Variants in PIK3CA observed in about 807,000 individuals in gnomAD.
PIK3CA encodes the protein phosphatidylinositol-4,5-bisphosphate 3-kinase catalytic subunit alpha.
A neutral mutation model predicts 138.2 loss-of-function variants in PIK3CA; 27 were observed. That is an observed-to-expected ratio of 0.20 (90% CI 0.14 to 0.27). PIK3CA has a LOEUF of 0.27. Among genes scored for constraint, PIK3CA ranks in the 10% least tolerant of loss-of-function variants. PIK3CA has a pLI of 1.00. For missense variants in PIK3CA, 544 were observed against 1,277.4 expected (o/e 0.43, Z 8.75); for synonymous variants, 358 against 413.2 (o/e 0.87, Z 1.62).
intron 1 of PIK3CA, among the ~76,000 whole-genome samples, chr3:179,188,317 T>C (rs1310076458): frequency 9.9e-5 from 15 of 152,238 alleles, no homozygotes. Context: ...TCCTTTTCTT[T>C]GGCCAGGAGA....
chr3:179,162,205 A>G lies in PIK3CA; in HGVS notation c.-77+13602A>G, dbSNP rs556154810. On this transcript the variant is annotated intron_variant, in intron 1 of 20. Transcript: ENST00000263967. The stretch of plus-strand genomic sequence containing the variant: ...TATTTAAAAGTGTGAATTTATGTGT[A>G]TATATATATGTATCAAAGAGAATAC... Among the ~76,000 whole-genome samples, 656 of 152,160 alleles carry G rather than the reference A, an allele frequency of 4.3e-3. 6 individuals are homozygous for G. Among genetic ancestry groups the G allele is most frequent in the Admixed American group, 7.8e-3 (120 of 15,288 alleles).
At chr3:179,209,572 T>C in intron 6 of PIK3CA, 23 bp from the exon 7 acceptor site, 2 of 1,432,012 alleles carry the variant, frequency 1.4e-6, no homozygotes, top group Non-Finnish European at 2.0e-6. Flanking sequence ...GATGTATTAT[T>C]TTTGCTTTAA....
chr3:179,152,516 A>T (rs995514927), intron 1 of PIK3CA, among the ~76,000 whole-genome samples: 5 of 152,264 alleles, frequency 3.3e-5, no homozygotes, highest in African/African-American at 1.2e-4. Flanking sequence ...TACTGGCAGG[A>T]TTACTTTGGA....
chr3:179,183,882 A>G (rs1723910266), intron 1 of PIK3CA, among the ~76,000 whole-genome samples: 3 of 152,188 alleles, frequency 2.0e-5, no homozygotes, highest in Admixed American at 2.0e-4. Context: ...ATACTTTGGG[A>G]ACTAAAATAT....
Position 179,234,465 on chromosome 3 carries a change from T to C in PIK3CA, c.*101T>C, listed in dbSNP as rs951271090. 1 of 865,486 alleles carries C rather than the reference T, an allele frequency of 1.2e-6. No homozygotes were observed. Among genetic ancestry groups the C allele is most frequent in the Non-Finnish European group, 1.8e-6 (1 of 569,368 alleles). 53.6% of individuals were successfully genotyped at this position (865,486 alleles called of 1,614,324 possible). ...GATTGCATAGGAATTGCACAATCCA[T>C]GAACAGCATTAGAATTTACAGCAAG... On this transcript the variant is annotated 3_prime_UTR_variant, in exon 21 of 21. Coordinates refer to ENST00000263967, the MANE Select transcript of PIK3CA (RefSeq NM_006218.4). The surrounding 1 kb of genome is among the most constrained non-coding windows in gnomAD (Gnocchi z 5.1).
chr3:179,237,869 A>G lies in PIK3CA; in HGVS notation c.*3505A>G, dbSNP rs1725361212. ...AATATTTAAAGTTCCTCTTTTTTCT[A>G]TGTCTGCACAAACTGCAGACCTGGG... On this transcript the variant is annotated 3_prime_UTR_variant, in exon 21 of 21. Transcript: ENST00000263967. The G allele has an allele frequency of 4.8e-6, 1 of 210,012 alleles. No individual in the cohort carries two copies. The highest frequency in any genetic ancestry group is 9.7e-6 in the Non-Finnish European group (1 of 103,218). 13.0% of individuals were successfully genotyped at this position (210,012 alleles called of 1,614,324 possible).
chr3:179,176,314 A>G (rs1204398175), intron 1 of PIK3CA, among the ~76,000 whole-genome samples: 4 of 152,172 alleles, frequency 2.6e-5, no homozygotes, highest in African/African-American at 7.2e-5. Context: ...GGAACCTCCT[A>G]GTCCTGAACT....
At chr3:179,161,543 A>C (rs1723281634) in intron 1 of PIK3CA, among the ~76,000 whole-genome samples, 1 of 152,094 alleles carries the variant, frequency 6.6e-6, no homozygotes, top group Non-Finnish European at 1.5e-5. Flanking sequence ...CCAAAAATAC[A>C]AAAAATTAGC....
chr3:179,172,263 A>G (rs1723578120), intron 1 of PIK3CA, among the ~76,000 whole-genome samples: 1 of 150,196 alleles, frequency 6.7e-6, no homozygotes, highest in Non-Finnish European at 1.5e-5. Context: ...AATGTCTGTG[A>G]AAAAAAAAAT....
rs1725185310 is a variant in PIK3CA, at chr3:179,230,478, G to C, written c.2936+102G>C. ...ATTTCAAAATAATAAATGTTGGCTG[G>C]GTGTGGTGGTTCATGCCTGTAATCC... On this transcript the variant is annotated intron_variant, in intron 20 of 20. Coordinates refer to ENST00000263967, the MANE Select transcript of PIK3CA (RefSeq NM_006218.4). This position sits in a 1 kb window ranked among gnomAD's most constrained non-coding sequence, Gnocchi z 5.4. 1 of 1,022,096 alleles carries C rather than the reference G, an allele frequency of 9.8e-7. No homozygotes were observed. The highest frequency in any genetic ancestry group is 2.7e-5 in the Admixed American group (1 of 37,212). The allele number at this position is 1,022,096 out of a possible 1,614,324, so 63.3% of individuals were successfully genotyped here. A position where few individuals can be genotyped will look rare whatever the true frequency, so the allele number is the denominator to read the frequency against.
At chr3:179,155,889 C>T (rs757758514) in intron 1 of PIK3CA, among the ~76,000 whole-genome samples, 12 of 152,192 alleles carry the variant, frequency 7.9e-5, no homozygotes, top group African/African-American at 1.2e-4. Flanking sequence ...AATTCGATCA[C>T]GAATCAGAAA....
At chr3:179,218,543 C>T (rs1449606191) in intron 10 of PIK3CA, among the ~76,000 whole-genome samples, 2 of 151,990 alleles carry the variant, frequency 1.3e-5, no homozygotes, top group African/African-American at 4.8e-5. Flanking sequence ...GTAGTTGGCA[C>T]ATTAAATGCT....
chr3:179,204,862 TAA>T (rs1432398973), intron 6 of PIK3CA, among the ~76,000 whole-genome samples: 6 of 150,544 alleles, frequency 4.0e-5, no homozygotes, highest in Non-Finnish European at 7.4e-5. Flanking sequence ...CTACTAAAAA[TAA>T]AAAAACATTA....
At chr3:179,178,249 G>A (rs1723751261) in intron 1 of PIK3CA, among the ~76,000 whole-genome samples, 1 of 119,956 alleles carries the variant, frequency 8.3e-6, no homozygotes, top group Non-Finnish European at 1.6e-5. Flanking sequence ...GTGCGACCTT[G>A]TCTCTAAAGA....
chr3:179,196,614 G>A (rs539833624), intron 1 of PIK3CA, among the ~76,000 whole-genome samples: 92 of 152,048 alleles, frequency 6.1e-4, no homozygotes, highest in Non-Finnish European at 2.8e-4. Context: ...CTGTATTTTC[G>A]TGGGGGCTAA....
At chr3:179,187,728 C>T (rs1724027006) in intron 1 of PIK3CA, among the ~76,000 whole-genome samples, 2 of 151,258 alleles carry the variant, frequency 1.3e-5, no homozygotes, top group South Asian at 4.2e-4. Context: ...ACCTCCACCT[C>T]CCGGGTTCAA....
At chr3:179,211,189 TACAC>T (rs774624482) in intron 9 of PIK3CA, among the ~76,000 whole-genome samples, 1 of 152,122 alleles carries the variant, frequency 6.6e-6, no homozygotes. Context: ...TATCAAAACA[TACAC>T]ACACAAACAC....
chr3:179,192,193 T>C (rs1724153136), intron 1 of PIK3CA, among the ~76,000 whole-genome samples: 1 of 152,138 alleles, frequency 6.6e-6, no homozygotes, highest in Admixed American at 6.6e-5. Flanking sequence ...TATCCAATGA[T>C]GGCAAAAATG....
chr3:179,233,978 A>AT (rs1261874973), intron 20 of PIK3CA, 116 bp from the exon 21 acceptor site: 6 of 675,850 alleles, frequency 8.9e-6, no homozygotes, highest in East Asian at 7.8e-5. Flanking sequence ...GAGGAATGCT[A>AT]TTTTTTTATA....
Sources: allele counts gnomAD v4.1 joint callset (sites outside exome capture counted in the v4.1 genomes callset), GRCh38; gene constraint gnomAD v4.1.1; non-coding constraint Gnocchi (gnomAD v3.1); transcripts MANE v1.5; gene names NCBI Gene and HGNC (gene_info 2026-07-23, HGNC 2026-07-21).